Variants in SAMD4A observed in about 807,000 individuals in gnomAD.
The protein encoded by SAMD4A is protein Smaug homolog 1.
Under a neutral mutation model 81.3 loss-of-function variants are expected in SAMD4A, and 33 were observed. The observed-to-expected ratio is 0.41, with a 90% CI of 0.31 to 0.54. The LOEUF (loss-of-function observed/expected upper bound fraction) is 0.54. SAMD4A is among the 20% of genes least tolerant of loss of function. The pLI is 0.37. For missense variants in SAMD4A, 854 were observed against 951.1 expected, an observed-to-expected ratio of 0.90 and a Z score of 1.34; for synonymous variants, 389 against 382.1, an observed-to-expected ratio of 1.02 and a Z score of -0.21.
intron 2 of SAMD4A, among the ~76,000 whole-genome samples, chr14:54,667,994 C>T (rs968888216): frequency 1.3e-5 from 2 of 152,310 alleles, no homozygotes; most frequent in African/African-American, 2.4e-5. Flanking sequence ...CTGTTCTCTC[C>T]ACCCCGGCCC....
Position 54,567,713 on chromosome 14 carries a change from A to G in SAMD4A, c.-204A>G. On this transcript the variant is annotated 5_prime_UTR_variant, in exon 2 of 13. Transcript: ENST00000554335. ...ACTGTCTGTCATCGTCTCTGGGGAA[A>G]TCAGCCAGAACCACCGGAACGTAAC... 1.8e-6 allele frequency: 1 copy of G among 553,606 alleles called. No individual in the cohort carries two copies. The highest frequency in any genetic ancestry group is 3.3e-5 in the East Asian group (1 of 30,302). The allele number at this position is 553,606 out of a possible 1,614,324, so 34.3% of individuals were successfully genotyped here. A position where few individuals can be genotyped will look rare whatever the true frequency, so the allele number is the denominator to read the frequency against.
intron 6 of SAMD4A, among the ~76,000 whole-genome samples, chr14:54,752,213 C>T (rs569737069): frequency 3.3e-5 from 5 of 152,202 alleles, no homozygotes; most frequent in African/African-American, 4.8e-5. Context: ...CTAGACAGGT[C>T]CTCTTCTTAC....
At chr14:54,568,179 G>T in intron 2 of SAMD4A, 67 bp downstream of exon 2, 1 of 1,340,230 alleles carries the variant, frequency 7.5e-7, no homozygotes, top group Non-Finnish European at 9.5e-7. Context: ...CCGCTTCTCT[G>T]CCTCGGGCCA....
chr14:54,674,046 C>T, intron 2 of SAMD4A, among the ~76,000 whole-genome samples: 1 of 152,234 alleles, frequency 6.6e-6, no homozygotes, highest in East Asian at 1.9e-4. Context: ...ATTCACTTCT[C>T]TCCTCTGGGA....
chr14:54,647,564 T>C (rs1445540966), intron 2 of SAMD4A, among the ~76,000 whole-genome samples: 1 of 152,258 alleles, frequency 6.6e-6, no homozygotes, highest in Non-Finnish European at 1.5e-5. Context: ...GTACATTGAC[T>C]ATATGCTCAT....
rs1247773405 is a variant in SAMD4A at position 54,792,839 on chromosome 14, T to C, written c.*3895T>C. On this transcript the variant is annotated 3_prime_UTR_variant, in exon 13 of 13. Transcript: ENST00000554335. ...AGGAAGAAAACAGGAATGTTAATAATGTCGAACAGAAAACTTCCTCCCTTA... is the reference window on the plus strand; with the variant it reads ...AGGAAGAAAACAGGAATGTTAATAACGTCGAACAGAAAACTTCCTCCCTTA... The C allele has an allele frequency of 6.6e-6, 1 of 152,200 alleles. No individual in the cohort carries two copies. The highest frequency in any genetic ancestry group is 1.5e-5 in the Non-Finnish European group (1 of 68,034). The allele number at this position is 152,200 out of a possible 1,614,324, so 9.4% of individuals were successfully genotyped here.
chr14:54,626,057 TGTGCGCGCGCGCGCGC>T (rs753273361), intron 2 of SAMD4A, among the ~76,000 whole-genome samples: 12,137 of 105,200 alleles, frequency 0.12, 566 homozygotes, highest in Middle Eastern at 0.21. Flanking sequence ...TGTGTGTGTG[TGTGCGCGCGCGCGCGC>T]GCGAGTGCGC....
In SAMD4A at chr14:54,678,433, T is replaced by TTGTGTGTGTGTG. The variant is rs769193366; in HGVS notation, c.197-23557_197-23546dup. Among the ~76,000 whole-genome samples the TTGTGTGTGTGTG allele has an allele frequency of 2.5e-3, 201 of 81,254 alleles. 17 individuals carry two copies. The highest frequency in any genetic ancestry group is 7.9e-3 in the Middle Eastern group (1 of 126). 53.3% of individuals were successfully genotyped at this position (81,254 alleles called of 152,430 possible). A position where few individuals can be genotyped will look rare whatever the true frequency, so the allele number is the denominator to read the frequency against. ...GTGTCGTATTTTGGGCAGTCACCATTTGTGTGTGTGTGTGTGTGTGTGTGT... is the reference window on the plus strand; with the variant it reads ...GTGTCGTATTTTGGGCAGTCACCATTTGTGTGTGTGTGTGTGTGTGTGTGTGTGTGTGTGTGT... On this transcript the variant is annotated intron_variant, in intron 2 of 12. Transcript: ENST00000554335.
intron 2 of SAMD4A, among the ~76,000 whole-genome samples, chr14:54,655,711 C>G (rs1465022797): frequency 6.6e-6 from 1 of 152,148 alleles, no homozygotes; most frequent in East Asian, 1.9e-4. Flanking sequence ...GCACTCCAGC[C>G]TGGGCAATAA....
At chr14:54,685,754 C>A in intron 2 of SAMD4A, 4 of 456,634 alleles carry the variant, frequency 8.8e-6, no homozygotes, top group South Asian at 3.1e-5. Flanking sequence ...ACAGAGAGAA[C>A]CAGAAAATCT....
chr14:54,689,623 A>G (rs1309821043), intron 2 of SAMD4A: 2 of 152,198 alleles, frequency 1.3e-5, no homozygotes, highest in African/African-American at 2.4e-5. Flanking sequence ...GTTTTCCCCA[A>G]GTCACTTAGA....
chr14:54,599,262 G>A (rs1447489119), intron 2 of SAMD4A, among the ~76,000 whole-genome samples: 3 of 152,086 alleles, frequency 2.0e-5, no homozygotes, highest in African/African-American at 7.2e-5. Context: ...TATATATGGA[G>A]TAATAAACAC....
rs187450351 is a variant in SAMD4A at position 54,609,716 on chromosome 14, C to G, written c.196+41604C>G. 5.9e-5 allele frequency among the ~76,000 whole-genome samples: 9 copies of G among 152,340 alleles called. No homozygotes were observed. In the East Asian group the frequency reaches 1.7e-3, roughly 29 times the overall value. Reference sequence around the variant, plus strand: ...TCTTGGCCACGCTGCCCTTTTTTCTCTGCCACACAATTTCTCTGAGTGGAC... The same window carrying G: ...TCTTGGCCACGCTGCCCTTTTTTCTGTGCCACACAATTTCTCTGAGTGGAC... On this transcript the variant is annotated intron_variant, in intron 2 of 12. Coordinates refer to ENST00000554335, the MANE Select transcript of SAMD4A (RefSeq NM_015589.6).
intron 2 of SAMD4A, among the ~76,000 whole-genome samples, chr14:54,602,859 T>C (rs1225721283): frequency 4.6e-5 from 7 of 151,946 alleles, no homozygotes; most frequent in Non-Finnish European, 8.8e-5. Flanking sequence ...TCAGGCTAAA[T>C]GTCTGGATCC....
chr14:54,634,574 T>C (rs1251447280), intron 2 of SAMD4A, among the ~76,000 whole-genome samples: 1 of 152,050 alleles, frequency 6.6e-6, no homozygotes, highest in African/African-American at 2.4e-5. Context: ...GAGAATCTAA[T>C]ACCATGCTGC....
At position 54,760,482 on chromosome 14, in the gene SAMD4A, G is replaced by A. The variant is rs201029932; in HGVS notation, c.1498G>A (p.Val500Ile). The change falls in exon 7 of 13, where the codon GTC (valine) becomes ATC (isoleucine). Residue 500 changes from valine to isoleucine, a missense_variant. Val to Ile is a conservative substitution (Grantham distance 29). Coordinates refer to ENST00000554335, the MANE Select transcript of SAMD4A (RefSeq NM_015589.6). Reference protein sequence around the residue: ...EGDLPGQFTRVMGKVCTQLLV... With the variant: ...EGDLPGQFTRIMGKVCTQLLV... Reference sequence around the variant, plus strand: ...GGACCTCCCCGGGCAGTTCACACGCGTCATGGGGAAAGGTAGAGCCTCATT... The same window carrying A: ...GGACCTCCCCGGGCAGTTCACACGCATCATGGGGAAAGGTAGAGCCTCATT... 3.9e-3 allele frequency: 5,426 copies of A among 1,400,188 alleles called. 14 individuals carry two copies. Among genetic ancestry groups the A allele is most frequent in the Non-Finnish European group, 4.6e-3 (5,032 of 1,085,508 alleles). 86.7% of individuals were successfully genotyped at this position (1,400,188 alleles called of 1,614,324 possible). A position where few individuals can be genotyped will look rare whatever the true frequency, so the allele number is the denominator to read the frequency against.
intron 2 of SAMD4A, among the ~76,000 whole-genome samples, chr14:54,669,218 A>C (rs907490812): frequency 9.9e-5 from 15 of 152,066 alleles, no homozygotes; most frequent in Admixed American, 2.6e-4. Flanking sequence ...AGACACAGCT[A>C]AGGTACTGTT....
chr14:54,635,438 TAATAA>T lies in SAMD4A; in HGVS notation c.197-66611_197-66607del, dbSNP rs2035012836. Among the ~76,000 whole-genome samples, 5 of 149,282 alleles carry T rather than the reference TAATAA, an allele frequency of 3.3e-5. No individual in the cohort carries two copies. In the South Asian group the frequency reaches 1.1e-3, roughly 31 times the overall value. On this transcript the variant is annotated intron_variant, in intron 2 of 12. Coordinates refer to ENST00000554335, the MANE Select transcript of SAMD4A (RefSeq NM_015589.6). ...GAAACTCCATCTCAAATAATAATAATAATAAAATAAAATAAAAAATTATCCAACAG... is the reference window on the plus strand; with the variant it reads ...GAAACTCCATCTCAAATAATAATAATAATAAAATAAAAAATTATCCAACAG...
At chr14:54,706,640 G>A (rs2036866821) in intron 3 of SAMD4A, among the ~76,000 whole-genome samples, 1 of 150,924 alleles carries the variant, frequency 6.6e-6, no homozygotes. Context: ...AAAAAAACCA[G>A]GAAAGAAAAA....
Sources: gnomAD v4.1 joint callset for allele counts (sites outside exome capture counted in the v4.1 genomes callset) on GRCh38, gnomAD v4.1.1 for gene constraint, MANE v1.5 for transcripts, NCBI Gene and HGNC (gene_info 2026-07-23, HGNC 2026-07-21) for gene names.